The following NDRG4 variants were observed in gnomAD, a reference collection of about 807,000 sequenced individuals.
NDRG4 encodes the protein protein NDRG4.
NDRG4 carries 38 observed loss-of-function variants against 55.8 expected under a neutral mutation model. The ratio of observed to expected loss-of-function variants is 0.68; its 90% CI spans 0.53 to 0.89. NDRG4 has a LOEUF of 0.89. Ranked by LOEUF, NDRG4 falls within the 40% of genes least tolerant of loss-of-function variation. NDRG4 has a pLI of 0.00. For missense variants in NDRG4, 455 were observed against 468.6 expected (o/e 0.97, Z 0.27); for synonymous variants, 190 against 182.7 (o/e 1.04, Z -0.32).
intron 2 of NDRG4, among the ~76,000 whole-genome samples, chr16:58,489,056 T>C (rs1207743188): frequency 1.3e-5 from 2 of 152,110 alleles, no homozygotes; most frequent in African/African-American, 2.4e-5. Flanking sequence ...CCCAGCACTT[T>C]GGGAGGCCGA....
rs1373300942 is a variant in NDRG4 at position 58,507,009 on chromosome 16, A to G, written c.614A>G (p.Tyr205Cys). The part of the protein sequence containing the change: ...QANLQLFWNM[Y>C]NSRRDLDINR... ...AACCTGCAGCTCTTCTGGAACATGT[A>G]CAACAGGTGCGGGTGGGATCAGCAG... The change falls in exon 8 of 15, where the codon TAC becomes TGC. Residue 205 changes from tyrosine (Y) to cysteine (C), a missense_variant. By Grantham distance (194) the Tyr-to-Cys change is radical (BLOSUM62 -2). Coordinates refer to ENST00000570248, the MANE Select transcript of NDRG4 (RefSeq NM_001242835.2). 1.2e-6 allele frequency: 2 copies of G among 1,613,026 alleles called. No homozygotes were observed. Among genetic ancestry groups the G allele is most frequent in the Admixed American group, 1.7e-5 (1 of 59,908 alleles).
Position 58,510,547 on chromosome 16 carries a change from T to C in NDRG4, c.866-98T>C, listed in dbSNP as rs1057325579. 4.8e-6 allele frequency: 5 copies of C among 1,033,810 alleles called. No homozygotes were observed. In the African/African-American group the frequency reaches 7.8e-5, roughly 16 times the overall value. 64.0% of individuals were successfully genotyped at this position (1,033,810 alleles called of 1,614,324 possible). ...GTGCCTGTCCTTTGTCCCATCTCTC[T>C]GGCTCATCTCAATGCCCTTGACTCA... On this transcript the variant is annotated intron_variant, in intron 13 of 14. Coordinates refer to ENST00000570248, the MANE Select transcript of NDRG4 (RefSeq NM_001242835.2).
In NDRG4 at chr16:58,500,323, A is replaced by G. The variant is rs1009346001; in HGVS notation, c.21+54A>G. 1.9e-5 allele frequency: 29 copies of G among 1,528,682 alleles called. No homozygotes were observed. In the African/African-American group the frequency reaches 3.6e-4, roughly 19 times the overall value. The allele number at this position is 1,528,682 out of a possible 1,614,324, so 94.7% of individuals were successfully genotyped here. On this transcript the variant is annotated intron_variant, in intron 1 of 14. Coordinates refer to ENST00000570248, the MANE Select transcript of NDRG4 (RefSeq NM_001242835.2). ...TGGGCCGGGAGGATGGTGCATCCTT[A>G]TGACCCACCGCAGGGAGGAAGTGCC...
Position 58,507,840 on chromosome 16 carries a change from C to A in NDRG4, c.653C>A (p.Thr218Lys). 6.2e-7 allele frequency: 1 copy of A among 1,614,008 alleles called. No individual in the cohort carries two copies. Among genetic ancestry groups the A allele is most frequent in the Non-Finnish European group, 8.5e-7 (1 of 1,180,002 alleles). ...RRDLDINRPG[T>K]VPNAKTLRCP... ...GACCTGGACATTAACCGGCCTGGAA[C>A]GGTGCCCAATGCCAAGACGCTCCGG... Residue 218 changes from threonine to lysine, a missense_variant, in exon 9 of 15, where the codon ACG becomes AAG. By Grantham distance (78) the Thr-to-Lys change is moderately conservative. Coordinates refer to ENST00000570248, the MANE Select transcript of NDRG4 (RefSeq NM_001242835.2).
intron 1 of NDRG4, among the ~76,000 whole-genome samples, chr16:58,482,875 C>T (rs374145987): frequency 3.6e-4 from 55 of 152,066 alleles, no homozygotes; most frequent in Admixed American, 7.2e-4. Context: ...CTCCACCTCC[C>T]GGGCTCAAGT....
intron 1 of NDRG4, among the ~76,000 whole-genome samples, chr16:58,467,197 T>A (rs150180623): frequency 2.0e-5 from 3 of 152,188 alleles, no homozygotes; most frequent in Non-Finnish European, 2.9e-5. Context: ...TTAGGAAATT[T>A]TTACTGAATT....
chr16:58,483,308 A>G (rs1259860317), intron 1 of NDRG4, among the ~76,000 whole-genome samples: 4 of 152,158 alleles, frequency 2.6e-5, no homozygotes, highest in Non-Finnish European at 4.4e-5. Context: ...CAGTTACAGA[A>G]GCATAGTGGG....
At chr16:58,508,472 A>C (rs2038341793) in intron 10 of NDRG4, among the ~76,000 whole-genome samples, 1 of 152,138 alleles carries the variant, frequency 6.6e-6, no homozygotes, top group African/African-American at 2.4e-5. Context: ...GGGATGCCCC[A>C]TCAGCACAGA....
upstream of NDRG4, among the ~76,000 whole-genome samples, chr16:58,497,549 G>A (rs970745306): frequency 3.6e-5 from 3 of 83,574 alleles, no homozygotes; most frequent in African/African-American, 1.2e-4. Flanking sequence ...CTTCTCATAG[G>A]TCCATGAGGA....
intron 1 of NDRG4, among the ~76,000 whole-genome samples, chr16:58,485,823 A>G (rs1383986264): frequency 6.6e-6 from 1 of 152,184 alleles, no homozygotes; most frequent in Non-Finnish European, 1.5e-5. Flanking sequence ...TATATTAAAT[A>G]ATATTTTATT....
intron 1 of NDRG4, among the ~76,000 whole-genome samples, chr16:58,471,548 A>G (rs1220993115): frequency 6.6e-6 from 1 of 152,096 alleles, no homozygotes; most frequent in Non-Finnish European, 1.5e-5. Context: ...TGGGATGAGC[A>G]CTTCCACCCA....
intron 2 of NDRG4, 108 bp from the exon 3 acceptor site, chr16:58,504,046 G>C (rs1597296402): frequency 6.3e-7 from 1 of 1,582,910 alleles, no homozygotes; most frequent in Non-Finnish European, 8.6e-7. Flanking sequence ...CCATTTCCCC[G>C]ACGGACCCGA....
chr16:58,469,743 C>T (rs1029178633), intron 1 of NDRG4, among the ~76,000 whole-genome samples: 2 of 152,202 alleles, frequency 1.3e-5, no homozygotes, highest in African/African-American at 2.4e-5. Context: ...GATGACAGCT[C>T]ACACGTATAT....
rs558987105 is a variant in NDRG4 at position 58,467,330 on chromosome 16, A to T, written c.-24+3533A>T. 3.3e-5 allele frequency among the ~76,000 whole-genome samples: 5 copies of T among 152,278 alleles called. No individual in the cohort carries two copies. In the South Asian group the frequency reaches 1.0e-3, roughly 32 times the overall value. ...AAGACCAGCCTGGCCAACGTGGTGA[A>T]ACCCCCATCTCTACTAAAAATACAA... On this transcript the variant is annotated intron_variant, in intron 1 of 15. Coordinates refer to the NDRG4 transcript ENST00000258187.
intron 1 of NDRG4, chr16:58,475,650 AT>A: frequency 2.2e-6 from 1 of 455,922 alleles, no homozygotes; most frequent in Non-Finnish European, 4.4e-6. Context: ...TGGCTTCATG[AT>A]TCTCAGGTAC....
At chr16:58,471,884 TGTGA>T (rs1469576371) in intron 1 of NDRG4, among the ~76,000 whole-genome samples, 3 of 152,122 alleles carry the variant, frequency 2.0e-5, no homozygotes, top group African/African-American at 7.2e-5. Flanking sequence ...CCCCAGAGTG[TGTGA>T]GTGTGTGTGT....
intron 1 of NDRG4, among the ~76,000 whole-genome samples, chr16:58,481,728 A>G (rs1322948950): frequency 6.6e-6 from 1 of 152,092 alleles, no homozygotes; most frequent in Non-Finnish European, 1.5e-5. Flanking sequence ...GACTTGCACC[A>G]GTCAGTTGCT....
intron 1 of NDRG4, chr16:58,465,042 A>C: frequency 7.9e-7 from 1 of 1,262,600 alleles, no homozygotes; most frequent in Non-Finnish European, 1.0e-6. Flanking sequence ...CAGTGGCTGG[A>C]GAGCAAGAGC....
chr16:58,507,844 G>A lies in NDRG4; in HGVS notation c.657G>A (p.Val219=), dbSNP rs1447019463. The change falls in exon 9 of 15, where the codon GTG becomes GTA. Residue 219 remains valine, a synonymous_variant. Transcript: ENST00000570248. ...TGGACATTAACCGGCCTGGAACGGTGCCCAATGCCAAGACGCTCCGGTGAG... is the reference window on the plus strand; with the variant it reads ...TGGACATTAACCGGCCTGGAACGGTACCCAATGCCAAGACGCTCCGGTGAG... ...RDLDINRPGT[V]PNAKTLRCPV... is the part of the protein sequence containing the mutation. The A allele has an allele frequency of 1.2e-6, 2 of 1,614,010 alleles. No homozygotes were observed. Among genetic ancestry groups the A allele is most frequent in the South Asian group, 1.1e-5 (1 of 91,078 alleles).
Sources: gnomAD v4.1 joint callset for allele counts (sites outside exome capture counted in the v4.1 genomes callset) on GRCh38, gnomAD v4.1.1 for gene constraint, MANE v1.5 for transcripts, NCBI Gene and HGNC (gene_info 2026-07-23, HGNC 2026-07-21) for gene names.